The following PCDHA11 variants were observed in gnomAD, a reference collection of about 807,000 sequenced individuals.
PCDHA11 encodes protocadherin alpha-11.
A neutral mutation model predicts 70.3 loss-of-function variants in PCDHA11; 61 were observed. That is an observed-to-expected ratio of 0.87 (90% CI 0.71 to 1.07). The LOEUF is 1.07. Among genes scored for constraint, PCDHA11 ranks in the 50% least tolerant of loss-of-function variants. The pLI, the probability that PCDHA11 is intolerant of heterozygous loss-of-function variation, is 0.00. For synonymous variants in PCDHA11, 633 were observed against 555.1 expected (o/e 1.14, Z -1.97); for missense variants, 1,324 against 1,237.5 (o/e 1.07, Z -1.05).
chr5:140,924,132 T>C (rs1417924703), intron 1 of PCDHA11, among the ~76,000 whole-genome samples: 1 of 152,246 alleles, frequency 6.6e-6, no homozygotes, highest in East Asian at 1.9e-4. Flanking sequence ...TTAGCAGCAT[T>C]AATTTAAAAT....
At position 140,913,388 on chromosome 5, in the gene PCDHA11, G is replaced by A. The variant is rs180918053; in HGVS notation, c.2391+41894G>A. On this transcript the variant is annotated intron_variant, in intron 1 of 3. Coordinates refer to ENST00000398640, the MANE Select transcript of PCDHA11 (RefSeq NM_018902.5). ...TATTGGCATATAGTGGCTCATCATAGCCACTAATGATCCTTTGAATTCCTG... is the reference window on the plus strand; with the variant it reads ...TATTGGCATATAGTGGCTCATCATAACCACTAATGATCCTTTGAATTCCTG... Among the ~76,000 whole-genome samples, 155 of 152,188 alleles carry A rather than the reference G, an allele frequency of 1.0e-3. 2 individuals are homozygous for A. The highest frequency in any genetic ancestry group is 3.7e-3 in the African/African-American group (152 of 41,534).
chr5:140,884,872 T>C (rs1427684688), intron 1 of PCDHA11, among the ~76,000 whole-genome samples: 1 of 152,216 alleles, frequency 6.6e-6, no homozygotes, highest in African/African-American at 2.4e-5. Context: ...CATAATGAAA[T>C]GTGCAAAACA....
chr5:140,908,416 G>GGAAT (rs1303787034), intron 1 of PCDHA11, among the ~76,000 whole-genome samples: 1 of 152,152 alleles, frequency 6.6e-6, no homozygotes, highest in African/African-American at 2.4e-5. Flanking sequence ...ATTTGATGAT[G>GGAAT]GAATGCTGCT....
chr5:140,949,591 T>A (rs1279124605), intron 1 of PCDHA11, among the ~76,000 whole-genome samples: 2 of 151,928 alleles, frequency 1.3e-5, no homozygotes, highest in Non-Finnish European at 2.9e-5. Flanking sequence ...GTGATATTAA[T>A]GTGGCCATTC....
At chr5:140,872,812 C>G (rs1233699706) in intron 1 of PCDHA11, among the ~76,000 whole-genome samples, 2 of 152,144 alleles carry the variant, frequency 1.3e-5, no homozygotes, top group African/African-American at 4.8e-5. Context: ...ATAAGTTTTT[C>G]AGATTCATCT....
At chr5:140,984,612 G>T (rs2097111075) in intron 3 of PCDHA11, among the ~76,000 whole-genome samples, 1 of 152,026 alleles carries the variant, frequency 6.6e-6, no homozygotes, top group Admixed American at 6.6e-5. Flanking sequence ...CTGCATCAGT[G>T]GTGTAAAGTT....
rs781883995 is a variant in PCDHA11, at chr5:140,876,273, C to A, written c.2391+4779C>A. Reference sequence around the variant, plus strand: ...CAAGAGTGATCCAACTAAATGCTTCCGATCCAGACGAAGGACTTAATGGAG... The same window carrying A: ...CAAGAGTGATCCAACTAAATGCTTCAGATCCAGACGAAGGACTTAATGGAG... On this transcript the variant is annotated intron_variant, in intron 1 of 3. Coordinates refer to ENST00000398640, the MANE Select transcript of PCDHA11 (RefSeq NM_018902.5). 6.8e-6 allele frequency: 11 copies of A among 1,613,984 alleles called. No individual in the cohort carries two copies. The South Asian group carries it at 1.2e-4, about 18-fold the overall frequency.
chr5:140,913,518 A>G (rs1375122197), intron 1 of PCDHA11, among the ~76,000 whole-genome samples: 2 of 151,902 alleles, frequency 1.3e-5, no homozygotes, highest in Non-Finnish European at 2.9e-5. Context: ...AATTTTATTT[A>G]TCTTTTCAAA....
At chr5:140,928,204 G>A (rs1554205615) in intron 1 of PCDHA11, 4 of 1,614,236 alleles carry the variant, frequency 2.5e-6, no homozygotes, top group Middle Eastern at 1.6e-4. Flanking sequence ...AGTTGCTGAT[G>A]TGAATGACAA....
intron 2 of PCDHA11, among the ~76,000 whole-genome samples, chr5:140,982,139 A>G (rs1381844546): frequency 1.3e-5 from 2 of 152,260 alleles, no homozygotes; most frequent in Non-Finnish European, 2.9e-5. Flanking sequence ...AGCCCTCCTC[A>G]TCTGCTTCAG....
rs375272234 is a variant in PCDHA11, at chr5:140,869,572, G to A, written c.469G>A (p.Ala157Thr). The change falls in exon 1 of 4, where the codon GCT (alanine) becomes ACT (threonine). Residue 157 changes from alanine (A) to threonine (T), a missense_variant. Physicochemically the swap from Ala to Thr is moderately conservative, Grantham distance 58. Coordinates refer to ENST00000398640, the MANE Select transcript of PCDHA11 (RefSeq NM_018902.5). ...GGACTCGCGTTTTCCACTAGAGGGA[G>A]CTTCTGATGCTGACATTGAAGAGAA... ...QSDSRFPLEG[A>T]SDADIEENAL... 1 of 1,614,060 alleles carries A rather than the reference G, an allele frequency of 6.2e-7. No individual in the cohort carries two copies. Among genetic ancestry groups the A allele is most frequent in the Non-Finnish European group, 8.5e-7 (1 of 1,180,052 alleles).
At chr5:140,877,357 G>A in intron 1 of PCDHA11, 2 of 1,614,020 alleles carry the variant, frequency 1.2e-6, no homozygotes, top group African/African-American at 2.7e-5. Flanking sequence ...GCTGTACACT[G>A]GCGAGATCAG....
chr5:140,926,570 G>A (rs2083360845), intron 1 of PCDHA11: 1 of 267,246 alleles, frequency 3.7e-6, no homozygotes, highest in African/African-American at 2.2e-5. Flanking sequence ...TGCTACTGGA[G>A]ACAGCACCTC....
At chr5:140,884,520 C>A (rs782029549) in intron 1 of PCDHA11, 1 of 1,614,036 alleles carries the variant, frequency 6.2e-7, no homozygotes, top group Non-Finnish European at 8.5e-7. Flanking sequence ...TGGTCGTACT[C>A]GCAGCAGAGG....
At chr5:140,933,392 T>C (rs1298872630) in intron 1 of PCDHA11, among the ~76,000 whole-genome samples, 3 of 152,044 alleles carry the variant, frequency 2.0e-5, no homozygotes, top group Non-Finnish European at 2.9e-5. Context: ...CCTAGAGCCA[T>C]CTGGTTACCA....
chr5:140,976,743 C>A (rs782329745), intron 1 of PCDHA11, among the ~76,000 whole-genome samples: 16 of 152,116 alleles, frequency 1.1e-4, no homozygotes, highest in Non-Finnish European at 1.5e-4. Context: ...ATTTTAAAAA[C>A]CTCCCAGATG....
At chr5:140,914,817 C>T (rs2076857750) in intron 1 of PCDHA11, among the ~76,000 whole-genome samples, 1 of 152,040 alleles carries the variant, frequency 6.6e-6, no homozygotes, top group African/African-American at 2.4e-5. Flanking sequence ...ACTTAACAGA[C>T]TGCATAAACA....
chr5:140,898,284 T>C (rs2066636432), intron 1 of PCDHA11, among the ~76,000 whole-genome samples: 1 of 152,254 alleles, frequency 6.6e-6, no homozygotes, highest in South Asian at 2.1e-4. Flanking sequence ...TTCTGAATGG[T>C]AATGCCTAGG....
chr5:140,993,939 T>C (rs1449633283), intron 3 of PCDHA11, among the ~76,000 whole-genome samples: 5 of 152,198 alleles, frequency 3.3e-5, no homozygotes, highest in Non-Finnish European at 7.3e-5. Context: ...ATATCCCCAT[T>C]GTTAAGTGAT....
Sources: allele counts gnomAD v4.1 joint callset (sites outside exome capture counted in the v4.1 genomes callset), GRCh38; gene constraint gnomAD v4.1.1; transcripts MANE v1.5; gene names NCBI Gene and HGNC (gene_info 2026-07-23, HGNC 2026-07-21).